Variants in SLIT3 observed in about 807,000 individuals in gnomAD.
SLIT3 encodes slit guidance ligand 3, also known as slit homolog 3 protein.
Under a neutral mutation model 184.0 loss-of-function variants are expected in SLIT3, and 68 were observed. The observed-to-expected ratio is 0.37, with a 90% CI of 0.30 to 0.45. SLIT3 has a LOEUF of 0.45. Ranked by LOEUF, SLIT3 falls within the 20% of genes least tolerant of loss-of-function variation. SLIT3 has a pLI of 1.00. For synonymous variants in SLIT3, 831 were observed against 828.6 expected (o/e 1.00, Z -0.05); for missense variants, 1,707 against 2,026.0 (o/e 0.84, Z 3.02).
Position 168,663,616 on chromosome 5 carries a change from A to AT in SLIT3, c.*2837_*2838insA, listed in dbSNP as rs1760941749. 6.6e-6 allele frequency: 1 copy of AT among 151,978 alleles called. No individual in the cohort carries two copies. The highest frequency in any genetic ancestry group is 1.5e-5 in the Non-Finnish European group (1 of 68,090). The allele number at this position is 151,978 out of a possible 1,614,324, so 9.4% of individuals were successfully genotyped here. ...CACAGCTCTTTGTGGTCAAAACCCT[A>AT]CCTTCCTACCTACCCCATTTCTCTC... On this transcript the variant is annotated 3_prime_UTR_variant, in exon 36 of 36. Coordinates refer to ENST00000519560, the MANE Select transcript of SLIT3 (RefSeq NM_003062.4).
At position 168,664,008 on chromosome 5, in the gene SLIT3, G is replaced by A. The variant is rs1036167218; in HGVS notation, c.*2446C>T. On this transcript the variant is annotated 3_prime_UTR_variant, in exon 36 of 36. Coordinates refer to ENST00000519560, the MANE Select transcript of SLIT3 (RefSeq NM_003062.4). ...AGCAAGTTCTGGAGTCAGACAGCCT[G>A]GGCCCAGATCCTGGCTCTACGGTTT... is the stretch of plus-strand genomic sequence containing the variant. The A allele has an allele frequency of 4.6e-5, 7 of 152,180 alleles. No individual in the cohort carries two copies. The highest frequency in any genetic ancestry group is 1.7e-4 in the African/African-American group (7 of 41,444). The allele number at this position is 152,180 out of a possible 1,614,324, so 9.4% of individuals were successfully genotyped here.
intron 4 of SLIT3, among the ~76,000 whole-genome samples, chr5:169,048,012 A>G (rs1757685963): frequency 6.6e-6 from 1 of 152,122 alleles, no homozygotes; most frequent in Admixed American, 6.5e-5. Flanking sequence ...AAAAGAGAAA[A>G]CCAAATGGAA....
At chr5:168,823,142 G>A in intron 7 of SLIT3, 118 bp downstream of exon 7, 1 of 852,006 alleles carries the variant, frequency 1.2e-6, no homozygotes, top group African/African-American at 1.7e-5. Flanking sequence ...GGAGGAATTT[G>A]AATGTCGGAA....
chr5:169,203,952 G>T (rs1039021510), intron 3 of SLIT3, among the ~76,000 whole-genome samples: 1 of 152,110 alleles, frequency 6.6e-6, no homozygotes, highest in African/African-American at 2.4e-5. Context: ...CAGATGATTG[G>T]ATATACACAT....
chr5:168,722,368 T>C, intron 22 of SLIT3, 41 bp from the exon 23 acceptor site: 3 of 1,555,272 alleles, frequency 1.9e-6, no homozygotes, highest in Non-Finnish European at 2.7e-6. Context: ...GTCTTTCTAT[T>C]CTCTACCATG....
chr5:169,040,941 C>A (rs930322577), intron 4 of SLIT3, among the ~76,000 whole-genome samples: 1 of 152,212 alleles, frequency 6.6e-6, no homozygotes, highest in African/African-American at 2.4e-5. Context: ...TAATGTGAGA[C>A]TGATAAACTC....
chr5:169,217,572 G>T (rs909508858), intron 3 of SLIT3, among the ~76,000 whole-genome samples: 1 of 152,192 alleles, frequency 6.6e-6, no homozygotes. Context: ...CCAGCCTGGG[G>T]TTCCTGGGGG....
Position 168,666,518 on chromosome 5 carries a change from T to C in SLIT3, c.4508A>G (p.Asp1503Gly). 1 of 1,611,590 alleles carries C rather than the reference T, an allele frequency of 6.2e-7. No individual in the cohort carries two copies. Among genetic ancestry groups the C allele is most frequent in the Non-Finnish European group, 8.5e-7 (1 of 1,179,166 alleles). ...CACCTCTTCTACAAACGAGGAGCCGTCCGTGCACTGGAAGACGTATTTCCG... is the reference window on the plus strand; with the variant it reads ...CACCTCTTCTACAAACGAGGAGCCGCCCGTGCACTGGAAGACGTATTTCCG... Reference protein sequence around the residue: ...KRRKYVFQCTDGSSFVEEVER... With the variant: ...KRRKYVFQCTGGSSFVEEVER... Residue 1503 changes from aspartate (D) to glycine (G), a missense_variant, in exon 36 of 36, where the codon GAC (aspartate) becomes GGC (glycine). By Grantham distance (94) the Asp-to-Gly change is moderately conservative (BLOSUM62 -1). Coordinates refer to ENST00000519560, the MANE Select transcript of SLIT3 (RefSeq NM_003062.4).
intron 4 of SLIT3, among the ~76,000 whole-genome samples, chr5:169,070,643 G>A (rs746461956): frequency 5.3e-5 from 8 of 151,968 alleles, no homozygotes; most frequent in African/African-American, 1.7e-4. Context: ...CCAAGTGTTC[G>A]GTTCAGCATC....
chr5:169,273,007 TCCA>T (rs1766682261), intron 1 of SLIT3, among the ~76,000 whole-genome samples: 1 of 152,080 alleles, frequency 6.6e-6, no homozygotes, highest in Non-Finnish European at 1.5e-5. Flanking sequence ...CGTGTGTGTT[TCCA>T]CCAAGAAACC....
intron 5 of SLIT3, among the ~76,000 whole-genome samples, chr5:168,863,518 C>T (rs186622906): frequency 2.9e-4 from 44 of 152,294 alleles, no homozygotes; most frequent in Non-Finnish European, 5.9e-4. Flanking sequence ...AACTGACAGC[C>T]ACAGCCATGG....
Position 168,907,965 on chromosome 5 carries a change from T to G in SLIT3, c.414-24629A>C, listed in dbSNP as rs1384903203. Among the ~76,000 whole-genome samples the G allele has an allele frequency of 5.5e-3, 441 of 79,930 alleles. 6 individuals are homozygous for G. Among genetic ancestry groups the G allele is most frequent in the African/African-American group, 0.018 (390 of 21,462 alleles). The allele number at this position is 79,930 out of a possible 152,430, so 52.4% of individuals were successfully genotyped here. A position where few individuals can be genotyped will look rare whatever the true frequency, so the allele number is the denominator to read the frequency against. On this transcript the variant is annotated intron_variant, in intron 4 of 35. Coordinates refer to ENST00000519560, the MANE Select transcript of SLIT3 (RefSeq NM_003062.4). ...ACGTGTATATATATATATATATATA[T>G]ATATATATATATATAGAGAGAGAGA... is the stretch of plus-strand genomic sequence containing the variant.
intron 3 of SLIT3, among the ~76,000 whole-genome samples, chr5:169,235,191 C>T (rs1341069323): frequency 6.6e-6 from 1 of 152,186 alleles, no homozygotes; most frequent in African/African-American, 2.4e-5. Flanking sequence ...CTCTCACTTT[C>T]TCTTAAATCC....
intron 1 of SLIT3, among the ~76,000 whole-genome samples, chr5:169,280,903 G>A (rs1441498399): frequency 2.0e-5 from 3 of 152,108 alleles, no homozygotes; most frequent in South Asian, 4.1e-4. Context: ...TTTAAGAAAC[G>A]AACCACAAAT....
chr5:168,874,783 A>G (rs1445345955), intron 5 of SLIT3, among the ~76,000 whole-genome samples: 1 of 152,208 alleles, frequency 6.6e-6, no homozygotes, highest in Non-Finnish European at 1.5e-5. Context: ...TGTTTCTTCT[A>G]CTATTTTTCT....
intron 4 of SLIT3, among the ~76,000 whole-genome samples, chr5:169,132,589 C>T (rs887553722): frequency 1.3e-5 from 2 of 152,090 alleles, no homozygotes; most frequent in African/African-American, 4.8e-5. Flanking sequence ...AATAGCAAAA[C>T]ATAAGCTGGA....
At chr5:169,088,723 A>G (rs1008099254) in intron 4 of SLIT3, among the ~76,000 whole-genome samples, 1 of 152,026 alleles carries the variant, frequency 6.6e-6, no homozygotes, top group Non-Finnish European at 1.5e-5. Context: ...GCCCTTCTTG[A>G]GAAGAGCTGA....
chr5:168,952,065 C>G (rs186153170), intron 4 of SLIT3, among the ~76,000 whole-genome samples: 7 of 152,174 alleles, frequency 4.6e-5, no homozygotes, highest in African/African-American at 1.4e-4. Flanking sequence ...TAGGAGGCAG[C>G]TACAAAGAGT....
chr5:169,233,322 C>T (rs115859854), intron 3 of SLIT3, among the ~76,000 whole-genome samples: 2,178 of 152,038 alleles, frequency 0.014, 53 homozygotes, highest in African/African-American at 0.05. Flanking sequence ...CGCGCCCGGT[C>T]GGCATTGGTA....
Sources: gnomAD v4.1 joint callset for allele counts (sites outside exome capture counted in the v4.1 genomes callset) on GRCh38, gnomAD v4.1.1 for gene constraint, MANE v1.5 for transcripts, NCBI Gene and HGNC (gene_info 2026-07-23, HGNC 2026-07-21) for gene names.